ZSCAN29: variants seen among roughly 807,000 people sequenced by gnomAD.
The protein encoded by ZSCAN29 is zinc finger and SCAN domain containing 29.
In ZSCAN29, 55 loss-of-function variants were observed where a neutral mutation model predicts 71.9. That is an observed-to-expected ratio of 0.76 (90% CI 0.62 to 0.96). The LOEUF is 0.96. ZSCAN29 is among the 40% of genes least tolerant of loss of function. ZSCAN29 has a pLI of 0.00. For synonymous variants in ZSCAN29, 351 were observed against 371.6 expected (o/e 0.94, Z 0.64); for missense variants, 1,042 against 1,042.2 (o/e 1.00, Z 0.00).
Position 43,363,901 on chromosome 15 carries a change from T to G in ZSCAN29, c.1690+14A>C. 1 of 1,564,888 alleles carries G rather than the reference T, an allele frequency of 6.4e-7. No homozygotes were observed. Among genetic ancestry groups the G allele is most frequent in the Non-Finnish European group, 8.7e-7 (1 of 1,154,162 alleles). ...CCCTTTGTTATTTATACCATAATAG[T>G]GAAATAATCTTACCACGGGGGCTTT... On this transcript the variant is annotated intron_variant, in intron 5 of 5. Coordinates refer to ENST00000684362, the MANE Select transcript of ZSCAN29 (RefSeq NM_001372080.1).
Position 43,369,734 on chromosome 15 carries a change from CA to C in ZSCAN29, c.179del (p.Leu60ArgfsTer4), listed in dbSNP as rs1263716494. 6.2e-7 allele frequency: 1 copy of C among 1,614,154 alleles called. No individual in the cohort carries two copies. Among genetic ancestry groups the C allele is most frequent in the Non-Finnish European group, 8.5e-7 (1 of 1,180,060 alleles). ...CGGTCAGGAACTGCTCTAGCACCAACAGTTCTACAATCTGCTCCTTGGTGCG... is the reference window on the plus strand; with the variant it reads ...CGGTCAGGAACTGCTCTAGCACCAACGTTCTACAATCTGCTCCTTGGTGCG... ...EVRTKEQIVE[L>X]LVLEQFLTVL... On this transcript the variant is annotated frameshift_variant, in exon 2 of 6. Coordinates refer to ENST00000684362, the MANE Select transcript of ZSCAN29 (RefSeq NM_001372080.1). LOFTEE classifies it high-confidence loss of function.
Position 43,361,001 on chromosome 15 carries a change from G to T in ZSCAN29, c.*72C>A. ...GCTAACTGGACACAGAATAGTAGAT[G>T]AATCTCACTATTGGAAGACTTTCTA... On this transcript the variant is annotated 3_prime_UTR_variant, in exon 6 of 6. Coordinates refer to ENST00000684362, the MANE Select transcript of ZSCAN29 (RefSeq NM_001372080.1). The T allele has an allele frequency of 1.3e-6, 2 of 1,482,600 alleles. No homozygotes were observed. Among genetic ancestry groups the T allele is most frequent in the Non-Finnish European group, 1.8e-6 (2 of 1,105,190 alleles). The allele number at this position is 1,482,600 out of a possible 1,614,324, so 91.8% of individuals were successfully genotyped here.
chr15:43,367,367 C>G (rs911541473), intron 3 of ZSCAN29, among the ~76,000 whole-genome samples: 13 of 152,220 alleles, frequency 8.5e-5, no homozygotes, highest in Admixed American at 6.5e-5. Flanking sequence ...ACATGCTACC[C>G]TGGTGAACCT....
Position 43,369,821 on chromosome 15 carries a change from C to T in ZSCAN29, c.93G>A (p.Gly31=), listed in dbSNP as rs1409585797. The change falls in exon 2 of 6, where the codon GGG becomes GGA. Residue 31 remains glycine, a synonymous_variant. Transcript: ENST00000684362. ...AGAGTTGGCTGAAAGCCTCCCGCGG[C>T]CCAGCCACCTCCTGGTAATGGAATC... is the stretch of plus-strand genomic sequence containing the variant. ...FRRFHYQEVA[G]PREAFSQLWE... 6.2e-7 allele frequency: 1 copy of T among 1,614,170 alleles called. No homozygotes were observed. Among genetic ancestry groups the T allele is most frequent in the Non-Finnish European group, 8.5e-7 (1 of 1,180,048 alleles).
Position 43,364,201 on chromosome 15 carries a change from C to T in ZSCAN29, c.1404G>A (p.Leu468=). Residue 468 remains leucine, a synonymous_variant, in exon 5 of 6, where the codon CTG becomes CTA. Coordinates refer to ENST00000684362, the MANE Select transcript of ZSCAN29 (RefSeq NM_001372080.1). ...TCTTAACTTTCCGATAGCTGGTTTGCAGGCTTTTAAACTTGGTCCGACACT... is the reference window on the plus strand; with the variant it reads ...TCTTAACTTTCCGATAGCTGGTTTGTAGGCTTTTAAACTTGGTCCGACACT... ...PEQCRTKFKS[L]QTSYRKVKNG... is the part of the protein sequence containing the mutation. The T allele has an allele frequency of 6.2e-7, 1 of 1,614,226 alleles. No homozygotes were observed. Among genetic ancestry groups the T allele is most frequent in the Non-Finnish European group, 8.5e-7 (1 of 1,180,046 alleles).
intron 2 of ZSCAN29, 67 bp from the exon 3 acceptor site, chr15:43,369,194 T>C (rs1213370696): frequency 4.8e-6 from 7 of 1,456,816 alleles, no homozygotes; most frequent in Non-Finnish European, 6.4e-6. Flanking sequence ...AGGAGAGTAT[T>C]TAATACCCCA....
rs1043549046 is a variant in ZSCAN29, at chr15:43,371,033, A to T, written c.-588T>A. On this transcript the variant is annotated 5_prime_UTR_variant, in exon 1 of 6. Coordinates refer to ENST00000684362, the MANE Select transcript of ZSCAN29 (RefSeq NM_001372080.1). ...CTCCAGCCTCCCAAGTACAGCTCCCAAACCGGAAGTCCGAGCGGGCGGCTC... is the reference window on the plus strand; with the variant it reads ...CTCCAGCCTCCCAAGTACAGCTCCCTAACCGGAAGTCCGAGCGGGCGGCTC... 4 of 426,566 alleles carry T rather than the reference A, an allele frequency of 9.4e-6. No individual in the cohort carries two copies. The highest frequency in any genetic ancestry group is 8.1e-5 in the African/African-American group (4 of 49,592). 26.4% of individuals were successfully genotyped at this position (426,566 alleles called of 1,614,324 possible). A position where few individuals can be genotyped will look rare whatever the true frequency, so the allele number is the denominator to read the frequency against.
chr15:43,362,493 A>G (rs1013117629), intron 5 of ZSCAN29, among the ~76,000 whole-genome samples: 5 of 152,232 alleles, frequency 3.3e-5, no homozygotes, highest in East Asian at 3.8e-4. Flanking sequence ...AAGAACCAAA[A>G]GGCCCTAAGA....
rs929311496 is a variant in ZSCAN29, at chr15:43,359,116, C to A, written c.*1957G>T. On this transcript the variant is annotated 3_prime_UTR_variant, in exon 6 of 6. Coordinates refer to ENST00000684362, the MANE Select transcript of ZSCAN29 (RefSeq NM_001372080.1). Reference sequence around the variant, plus strand: ...TTCCTATCATAATTTAACCAGTAACCTTCCCTCCTTTGACCACTTCCTGCT... The same window carrying A: ...TTCCTATCATAATTTAACCAGTAACATTCCCTCCTTTGACCACTTCCTGCT... 3.3e-5 allele frequency: 5 copies of A among 152,208 alleles called. No homozygotes were observed. Among genetic ancestry groups the A allele is most frequent in the Admixed American group, 3.3e-4 (5 of 15,278 alleles). 9.4% of individuals were successfully genotyped at this position (152,208 alleles called of 1,614,324 possible).
chr15:43,361,319 G>A lies in ZSCAN29; in HGVS notation c.2313C>T (p.Phe771=), dbSNP rs149772101. The change falls in exon 6 of 6, where the codon TTC becomes TTT. Residue 771 remains phenylalanine (F), a synonymous_variant. Coordinates refer to ENST00000684362, the MANE Select transcript of ZSCAN29 (RefSeq NM_001372080.1). Reference sequence around the variant, plus strand: ...GTGCACTAAAATGAGAACTGTTATTGAAGCTTTTTCCACACTCTTCACATT... The same window carrying A: ...GTGCACTAAAATGAGAACTGTTATTAAAGCTTTTTCCACACTCTTCACATT... ...PYQCEECGKS[F]NNSSHFSAHR... is the part of the protein sequence containing the mutation. 41 of 1,614,120 alleles carry A rather than the reference G, an allele frequency of 2.5e-5. No individual in the cohort carries two copies. The African/African-American group carries it at 5.3e-4, about 21-fold the overall frequency.
Position 43,361,816 on chromosome 15 carries a change from C to T in ZSCAN29, c.1816G>A (p.Gly606Ser). Residue 606 changes from glycine (G) to serine (S), a missense_variant, in exon 6 of 6, where the codon GGC (glycine) becomes AGC (serine). Physicochemically the swap from Gly to Ser is moderately conservative, Grantham distance 56. Coordinates refer to ENST00000684362, the MANE Select transcript of ZSCAN29 (RefSeq NM_001372080.1). ...CCTGATCTACAGTCACTCTCATTGC[C>T]TTTACCCTGATGAAGATACCGGGGA... is the stretch of plus-strand genomic sequence containing the variant. ...KIPRYLHQGK[G>S]NESDCRSGRQ... 7 of 1,614,182 alleles carry T rather than the reference C, an allele frequency of 4.3e-6. No individual in the cohort carries two copies. The highest frequency in any genetic ancestry group is 5.9e-6 in the Non-Finnish European group (7 of 1,180,046).
chr15:43,369,286 A>G, intron 2 of ZSCAN29, 159 bp from the exon 3 acceptor site: 1 of 690,180 alleles, frequency 1.4e-6, no homozygotes, highest in South Asian at 2.8e-5. Context: ...TTCCATTGCC[A>G]TTAGCTTAAA....
chr15:43,363,890 T>C (rs1566882632), intron 5 of ZSCAN29, 25 bp downstream of exon 5: 1 of 1,547,042 alleles, frequency 6.5e-7, no homozygotes, highest in Non-Finnish European at 8.7e-7. Flanking sequence ...TTGTTATTTA[T>C]ACCATAATAG....
In ZSCAN29 at chr15:43,361,088, CTG is replaced by C; in HGVS notation, c.2542_2543del (p.Gln848ValfsTer8). 1 of 1,598,668 alleles carries C rather than the reference CTG, an allele frequency of 6.3e-7. No individual in the cohort carries two copies. Among genetic ancestry groups the C allele is most frequent in the Non-Finnish European group, 8.6e-7 (1 of 1,169,324 alleles). The stretch of plus-strand genomic sequence containing the variant: ...CCTCAGGGGCTTACTTGGGAGCTGA[CTG>C]TGTCAGAAGCTTTTCCCGTGCATGG... ...EIHAREKLLT[Q>X]SAPK On this transcript the variant is annotated frameshift_variant, in exon 6 of 6. Coordinates refer to ENST00000684362, the MANE Select transcript of ZSCAN29 (RefSeq NM_001372080.1). LOFTEE classifies it high-confidence loss of function.
rs367603209 is a variant in ZSCAN29 at position 43,369,963 on chromosome 15, T to G, written c.-50A>C. 89 of 1,522,394 alleles carry G rather than the reference T, an allele frequency of 5.8e-5. No homozygotes were observed. The highest frequency in any genetic ancestry group is 7.0e-5 in the Non-Finnish European group (79 of 1,134,230). The allele number at this position is 1,522,394 out of a possible 1,614,324, so 94.3% of individuals were successfully genotyped here. ...CGCTTAGGAGTCTGGGTTCCAGGGCTTACATCTATCTTCCCATGTCCTTGG... is the reference window on the plus strand; with the variant it reads ...CGCTTAGGAGTCTGGGTTCCAGGGCGTACATCTATCTTCCCATGTCCTTGG... On this transcript the variant is annotated 5_prime_UTR_variant, in exon 2 of 6. The change abolishes the stop of an existing upstream ORF in the 5' untranslated region. Transcript: ENST00000684362.
At chr15:43,363,017 G>A (rs1019556309) in intron 5 of ZSCAN29, among the ~76,000 whole-genome samples, 10 of 146,658 alleles carry the variant, frequency 6.8e-5, no homozygotes, top group Non-Finnish European at 1.3e-4. Flanking sequence ...TTCATTCGTT[G>A]CCCAGGCAGG....
chr15:43,364,414 T>C (rs1320067089), intron 4 of ZSCAN29, 32 bp from the exon 5 acceptor site: 1 of 1,590,168 alleles, frequency 6.3e-7, no homozygotes, highest in Non-Finnish European at 8.6e-7. Context: ...CAGCACCACT[T>C]AATCCAGAGC....
In ZSCAN29 at chr15:43,366,293, C is replaced by T; in HGVS notation, c.1039G>A (p.Ala347Thr). Reference protein sequence around the residue: ...ALPSNGLEAAASHSGLVGSDA... With the variant: ...ALPSNGLEAATSHSGLVGSDA... ...CTGCCTACCAGGCCAGAGTGAGAGG[C>T]TGCTGCTTCCAGGCCATTACTGGGC... The change falls in exon 4 of 6, where the codon GCC (alanine) becomes ACC (threonine). Residue 347 changes from alanine (A) to threonine (T), a missense_variant. Coordinates refer to ENST00000684362, the MANE Select transcript of ZSCAN29 (RefSeq NM_001372080.1). 1 of 1,613,208 alleles carries T rather than the reference C, an allele frequency of 6.2e-7. No individual in the cohort carries two copies. Among genetic ancestry groups the T allele is most frequent in the Non-Finnish European group, 8.5e-7 (1 of 1,180,046 alleles).
rs774602431 is a variant in ZSCAN29, at chr15:43,369,058, ACT to A, written c.386_387del (p.Glu129ValfsTer51). 4 of 1,608,036 alleles carry A rather than the reference ACT, an allele frequency of 2.5e-6. No individual in the cohort carries two copies. Among genetic ancestry groups the A allele is most frequent in the Non-Finnish European group, 2.5e-6 (3 of 1,176,514 alleles). ...ACTGACTCCTGCCGAACACTTAATA[ACT>A]CTTGTGATGATTTCGGGGGTGTCAT... is the stretch of plus-strand genomic sequence containing the variant. ...EKMTPPKSSQ[E>X]LLSVRQESVE... On this transcript the variant is annotated frameshift_variant, in exon 3 of 6. Transcript: ENST00000684362. LOFTEE classifies it high-confidence loss of function.
Sources: allele counts gnomAD v4.1 joint callset (sites outside exome capture counted in the v4.1 genomes callset), GRCh38; gene constraint gnomAD v4.1.1; transcripts MANE v1.5; gene names NCBI Gene and HGNC (gene_info 2026-07-23, HGNC 2026-07-21).